Variants in CFAP299 observed in about 807,000 individuals in gnomAD.
CFAP299 encodes the protein cilia- and flagella-associated protein 299.
CFAP299 carries 21 observed loss-of-function variants against 27.0 expected under a neutral mutation model. The observed-to-expected ratio is 0.78, with a 90% CI of 0.55 to 1.12. The LOEUF (loss-of-function observed/expected upper bound fraction) is 1.12, where lower values mean the gene tolerates loss of function less well. CFAP299 is among the 50% of genes most tolerant of loss of function. The probability of loss-of-function intolerance (pLI) is 0.00; values close to 1 mark genes in which losing one functional copy is unlikely to be tolerated. For missense variants in CFAP299, 310 were observed against 276.6 expected, an observed-to-expected ratio of 1.12 and a Z score of -0.86; for synonymous variants, 104 against 98.1, an observed-to-expected ratio of 1.06 and a Z score of -0.36.
intron 4 of CFAP299, among the ~76,000 whole-genome samples, chr4:80,933,410 C>A (rs1183376345): frequency 1.3e-5 from 2 of 152,080 alleles, no homozygotes; most frequent in African/African-American, 2.4e-5. Flanking sequence ...GCCTTTCTGT[C>A]GGGCTTTTTT....
intron 3 of CFAP299, among the ~76,000 whole-genome samples, chr4:80,737,710 C>T (rs533878086): frequency 6.6e-6 from 1 of 150,990 alleles, no homozygotes; most frequent in Admixed American, 6.6e-5. Flanking sequence ...CTTTGTTTAT[C>T]TTTCAGAAAA....
intron 3 of CFAP299, among the ~76,000 whole-genome samples, chr4:80,822,594 A>G (rs1167249960): frequency 3.3e-5 from 5 of 152,338 alleles, no homozygotes; most frequent in South Asian, 4.1e-4. Context: ...GCAGCTTCAA[A>G]GACCTAAGAT....
intron 3 of CFAP299, among the ~76,000 whole-genome samples, chr4:80,724,652 A>G (rs961935465): frequency 3.3e-5 from 5 of 152,014 alleles, no homozygotes; most frequent in African/African-American, 1.2e-4. Context: ...TTAATTCTCT[A>G]CACACTATAT....
chr4:80,691,679 G>A (rs1333972647), intron 3 of CFAP299, among the ~76,000 whole-genome samples: 3 of 150,822 alleles, frequency 2.0e-5, no homozygotes, highest in Non-Finnish European at 4.5e-5. Context: ...ACATAGTGTT[G>A]GAAGTTCTGG....
intron 2 of CFAP299, among the ~76,000 whole-genome samples, chr4:80,557,242 C>T (rs1734824501): frequency 6.6e-6 from 1 of 152,028 alleles, no homozygotes; most frequent in Non-Finnish European, 1.5e-5. Context: ...TATGTACCCA[C>T]CTCTTCCATG....
the CFAP299 span, among the ~76,000 whole-genome samples, chr4:80,329,487 A>G: frequency 7.0e-3 from 1,072 of 152,194 alleles, 77 homozygotes; most frequent in East Asian, 0.18. Context: ...ATTACTGATT[A>G]CTGAGGTAAA....
At chr4:80,659,055 C>T (rs1241266971) in intron 3 of CFAP299, among the ~76,000 whole-genome samples, 2 of 152,052 alleles carry the variant, frequency 1.3e-5, no homozygotes, top group Non-Finnish European at 2.9e-5. Context: ...TATTTAATTT[C>T]AAATTTTGGC....
In CFAP299 at chr4:80,651,836, A is replaced by C. The variant is rs187057652; in HGVS notation, c.333+68653A>C. Among the ~76,000 whole-genome samples, 769 of 151,246 alleles carry C rather than the reference A, an allele frequency of 5.1e-3. 5 individuals are homozygous for C. Among genetic ancestry groups the C allele is most frequent in the Middle Eastern group, 0.02 (6 of 294 alleles). On this transcript the variant is annotated intron_variant, in intron 3 of 5. Coordinates refer to ENST00000358105, the MANE Select transcript of CFAP299 (RefSeq NM_152770.3). Reference sequence around the variant, plus strand: ...TCAGTTGACCATATATCATTCTAATAATCTGGGGCAAAGTCAAAGAGCTTA... The same window carrying C: ...TCAGTTGACCATATATCATTCTAATCATCTGGGGCAAAGTCAAAGAGCTTA...
intron 4 of CFAP299, among the ~76,000 whole-genome samples, chr4:80,880,677 G>T (rs886814993): frequency 5.9e-5 from 9 of 152,056 alleles, no homozygotes; most frequent in African/African-American, 1.9e-4. Context: ...AGTGCGCCAA[G>T]ATCACACCAC....
At chr4:80,801,528 G>C (rs992974953) in intron 3 of CFAP299, among the ~76,000 whole-genome samples, 1 of 151,990 alleles carries the variant, frequency 6.6e-6, no homozygotes, top group Non-Finnish European at 1.5e-5. Flanking sequence ...ACATATATAA[G>C]AGAGAATAAA....
At chr4:80,326,819 G>C in the CFAP299 span, among the ~76,000 whole-genome samples, 1 of 152,040 alleles carries the variant, frequency 6.6e-6, no homozygotes, top group Non-Finnish European at 1.5e-5. Flanking sequence ...AAACTTCGTT[G>C]TTTATAAGTG....
At chr4:80,753,209 T>G (rs1428128266) in intron 3 of CFAP299, among the ~76,000 whole-genome samples, 1 of 152,136 alleles carries the variant, frequency 6.6e-6, no homozygotes. Context: ...TTTATTTTTG[T>G]CTACAAAAGT....
At chr4:80,477,628 A>G (rs1399559773) in intron 2 of CFAP299, among the ~76,000 whole-genome samples, 1 of 152,110 alleles carries the variant, frequency 6.6e-6, no homozygotes, top group Non-Finnish European at 1.5e-5. Flanking sequence ...CTTTGTCACC[A>G]CTAATACTAA....
chr4:80,629,881 A>C (rs974190866), intron 3 of CFAP299, among the ~76,000 whole-genome samples: 5 of 80,336 alleles, frequency 6.2e-5, no homozygotes, highest in East Asian at 3.3e-4. Context: ...GAAAAAAAAA[A>C]AAACAAAAAA....
At chr4:80,329,529 T>C in the CFAP299 span, among the ~76,000 whole-genome samples, 8 of 152,106 alleles carry the variant, frequency 5.3e-5, no homozygotes, top group East Asian at 1.3e-3. Flanking sequence ...TAAGTGAGAT[T>C]GAGTAGGAAA....
At chr4:80,946,899 A>T (rs1327673879) in intron 5 of CFAP299, among the ~76,000 whole-genome samples, 2 of 152,194 alleles carry the variant, frequency 1.3e-5, no homozygotes, top group African/African-American at 4.8e-5. Flanking sequence ...ATAAGAAAAG[A>T]TTTTAAATTA....
intron 2 of CFAP299, among the ~76,000 whole-genome samples, chr4:80,394,405 G>GTT (rs749367759): frequency 6.4e-5 from 9 of 141,088 alleles, no homozygotes; most frequent in South Asian, 4.4e-4. Context: ...GCTGTACACA[G>GTT]TTTTTTTTTT....
chr4:80,680,149 A>AC (rs1174531009), intron 3 of CFAP299, among the ~76,000 whole-genome samples: 1 of 152,058 alleles, frequency 6.6e-6, no homozygotes, highest in Non-Finnish European at 1.5e-5. Flanking sequence ...TCTCATTTAA[A>AC]AAAATTGCCG....
intron 4 of CFAP299, among the ~76,000 whole-genome samples, chr4:80,941,093 A>G (rs763001595): frequency 6.6e-6 from 1 of 152,120 alleles, no homozygotes; most frequent in Non-Finnish European, 1.5e-5. Flanking sequence ...CCTCCTCTAT[A>G]TTTTTAGTCA....
Sources: allele counts gnomAD v4.1 joint callset (sites outside exome capture counted in the v4.1 genomes callset), GRCh38; gene constraint gnomAD v4.1.1; transcripts MANE v1.5; gene names NCBI Gene and HGNC (gene_info 2026-07-23, HGNC 2026-07-21).